SAFB2: variants seen among roughly 807,000 people sequenced by gnomAD.
SAFB2 encodes the protein scaffold attachment factor B2.
SAFB2 carries 32 observed loss-of-function variants against 100.6 expected under a neutral mutation model. That is an observed-to-expected ratio of 0.32 (90% CI 0.24 to 0.43). The LOEUF is 0.43. SAFB2 is among the 20% of genes least tolerant of loss of function. The pLI, the probability that SAFB2 is intolerant of heterozygous loss-of-function variation, is 1.00. For synonymous variants in SAFB2, 500 were observed against 439.4 expected (o/e 1.14, Z -1.72); for missense variants, 1,185 against 1,163.4 (o/e 1.02, Z -0.27).
At chr19:5,610,148 C>A in intron 8 of SAFB2, 53 bp from the exon 9 acceptor site, 1 of 1,461,014 alleles carries the variant, frequency 6.8e-7, no homozygotes, top group Non-Finnish European at 9.6e-7. Context: ...ACAGGAAGCA[C>A]AACCATTCTT....
intron 11 of SAFB2, among the ~76,000 whole-genome samples, chr19:5,601,154 A>AAT (rs1252753466): frequency 6.6e-6 from 1 of 151,604 alleles, no homozygotes; most frequent in East Asian, 1.9e-4. Flanking sequence ...CTTTAAAAAA[A>AAT]ATATATATAT....
chr19:5,605,894 C>T (rs184028989), intron 9 of SAFB2, among the ~76,000 whole-genome samples: 6 of 152,228 alleles, frequency 3.9e-5, no homozygotes, highest in Non-Finnish European at 2.9e-5. Flanking sequence ...AGAGAAATCA[C>T]GGAACTGAGT....
chr19:5,599,922 T>C (rs2052618305), intron 12 of SAFB2, among the ~76,000 whole-genome samples: 1 of 152,230 alleles, frequency 6.6e-6, no homozygotes, highest in African/African-American at 2.4e-5. Context: ...ACATAAGCCC[T>C]GAGTCCCAGG....
intron 11 of SAFB2, 125 bp downstream of exon 11, chr19:5,604,458 C>T: frequency 3.1e-6 from 2 of 647,916 alleles, no homozygotes; most frequent in South Asian, 3.8e-5. Flanking sequence ...GCTGAGACTC[C>T]AGCAGGAAGC....
rs747283758 is a variant in SAFB2 at position 5,594,005 on chromosome 19, C to T, written c.2093G>A (p.Arg698His). Residue 698 changes from arginine (R) to histidine (H), a missense_variant, in exon 15 of 21, where the codon CGC becomes CAC. Arg to His is a conservative substitution (Grantham distance 29). Coordinates refer to ENST00000252542, the MANE Select transcript of SAFB2 (RefSeq NM_014649.3). ...ERERMRVERE[R>H]RKEQERIHRE... ...GTGGATGCGCTCCTGCTCCTTCCTG[C>T]GCTCACGCTCCACGCGCATGCGCTC... The T allele has an allele frequency of 1.9e-6, 3 of 1,561,360 alleles. No homozygotes were observed. Among genetic ancestry groups the T allele is most frequent in the Admixed American group, 1.9e-5 (1 of 53,858 alleles).
chr19:5,592,250 C>A (rs766911132), intron 16 of SAFB2, among the ~76,000 whole-genome samples: 1 of 152,148 alleles, frequency 6.6e-6, no homozygotes, highest in Non-Finnish European at 1.5e-5. Flanking sequence ...GATGTGCAGC[C>A]GAGGGGAGCC....
chr19:5,592,337 C>CTAAA (rs1446309489), intron 16 of SAFB2, among the ~76,000 whole-genome samples: 1 of 152,140 alleles, frequency 6.6e-6, no homozygotes, highest in Non-Finnish European at 1.5e-5. Context: ...TTTTAAAAGG[C>CTAAA]TAAAAAACCC....
intron 2 of SAFB2, 51 bp downstream of exon 2, chr19:5,621,258 T>G: frequency 8.2e-7 from 1 of 1,220,786 alleles, no homozygotes; most frequent in Non-Finnish European, 1.2e-6. Context: ...CTACACACCA[T>G]TTCTCTAAAT....
At chr19:5,618,054 G>A (rs572896372) in intron 2 of SAFB2, among the ~76,000 whole-genome samples, 4 of 152,142 alleles carry the variant, frequency 2.6e-5, no homozygotes, top group Non-Finnish European at 5.9e-5. Flanking sequence ...TGAGGTGGGA[G>A]GATGCTCCGA....
chr19:5,593,846 T>C (rs559868847), intron 15 of SAFB2, 45 bp downstream of exon 15: 2 of 1,412,284 alleles, frequency 1.4e-6, no homozygotes, highest in East Asian at 2.8e-5. Context: ...TGAACACCGC[T>C]GCCACGCTGG....
chr19:5,615,379 C>A (rs117968807), intron 4 of SAFB2, among the ~76,000 whole-genome samples: 2,372 of 151,462 alleles, frequency 0.016, 25 homozygotes, highest in Non-Finnish European at 0.023. Flanking sequence ...AAACAAAACA[C>A]AACATTAGGA....
chr19:5,587,973 G>A lies in SAFB2; in HGVS notation c.2533C>T (p.Arg845Cys), dbSNP rs754310469. ...RGLPPPPRGG[R>C]DWGEHNQRLE... Reference sequence around the variant, plus strand: ...CGCTGGTTGTGCTCTCCCCAGTCACGGCCACCCCTTTGCCAAAAGAAAAAG... The same window carrying A: ...CGCTGGTTGTGCTCTCCCCAGTCACAGCCACCCCTTTGCCAAAAGAAAAAG... The change falls in exon 19 of 21, where the codon CGT becomes TGT. Residue 845 changes from arginine (R) to cysteine (C), a missense_variant. Transcript: ENST00000252542. This position sits in a 1 kb window ranked among gnomAD's most constrained non-coding sequence, Gnocchi z 4.9. The A allele has an allele frequency of 6.8e-6, 11 of 1,610,988 alleles. No homozygotes were observed. The highest frequency in any genetic ancestry group is 1.3e-5 in the African/African-American group (1 of 74,980).
chr19:5,616,795 G>A (rs552741989), intron 2 of SAFB2, among the ~76,000 whole-genome samples: 44 of 151,916 alleles, frequency 2.9e-4, no homozygotes, highest in Non-Finnish European at 6.3e-4. Flanking sequence ...GGGACTACAG[G>A]CGTGCATCAC....
intron 2 of SAFB2, among the ~76,000 whole-genome samples, chr19:5,617,176 C>T (rs2053051231): frequency 6.6e-6 from 1 of 152,144 alleles, no homozygotes; most frequent in Admixed American, 6.6e-5. Context: ...CAAAGAACTG[C>T]AACATAAAAT....
intron 13 of SAFB2, among the ~76,000 whole-genome samples, chr19:5,597,678 T>C (rs941959102): frequency 1.3e-5 from 2 of 152,196 alleles, no homozygotes; most frequent in African/African-American, 4.8e-5. Context: ...TAATCATGCA[T>C]GTGTCATCAC....
chr19:5,610,824 G>T, intron 7 of SAFB2, 136 bp from the exon 8 acceptor site: 2 of 755,480 alleles, frequency 2.6e-6, no homozygotes, highest in South Asian at 2.0e-5. Flanking sequence ...ACCTCTGCAA[G>T]CTTATATTGG....
At chr19:5,590,234 G>A (rs1407905706) in intron 18 of SAFB2, 44 bp downstream of exon 18, 2 of 1,492,428 alleles carry the variant, frequency 1.3e-6, no homozygotes, top group Non-Finnish European at 1.8e-6. Context: ...CTTTTCCCAG[G>A]TTAGGACAGA....
chr19:5,600,031 A>C (rs1159096816), intron 12 of SAFB2, 99 bp downstream of exon 12: 12 of 1,259,610 alleles, frequency 9.5e-6, no homozygotes, highest in Non-Finnish European at 1.1e-5. Flanking sequence ...CGAAACAGCC[A>C]TGTCACCAGA....
intron 11 of SAFB2, 41 bp from the exon 12 acceptor site, chr19:5,600,301 T>C: frequency 2.5e-6 from 4 of 1,604,470 alleles, no homozygotes; most frequent in South Asian, 1.1e-5. Flanking sequence ...TTCACAAGAC[T>C]CTGTAACAGG....
Sources: allele counts gnomAD v4.1 joint callset (sites outside exome capture counted in the v4.1 genomes callset), GRCh38; gene constraint gnomAD v4.1.1; non-coding constraint Gnocchi (gnomAD v3.1); transcripts MANE v1.5; gene names NCBI Gene and HGNC (gene_info 2026-07-23, HGNC 2026-07-21).